GLI2: variants seen among roughly 807,000 people sequenced by gnomAD.
The protein encoded by GLI2 is GLI family zinc finger 2.
A neutral mutation model predicts 78.9 loss-of-function variants in GLI2; 22 were observed. The ratio of observed to expected loss-of-function variants is 0.28; its 90% CI spans 0.20 to 0.40. The LOEUF is 0.40. Ranked by LOEUF, GLI2 falls within the 10% of genes least tolerant of loss-of-function variation. The pLI, the probability that GLI2 is intolerant of heterozygous loss-of-function variation, is 1.00. For synonymous variants in GLI2, 974 were observed against 963.7 expected (o/e 1.01, Z -0.20); for missense variants, 2,097 against 2,213.2 (o/e 0.95, Z 1.05).
intron 8 of GLI2, among the ~76,000 whole-genome samples, chr2:120,973,269 T>C (rs1036691923): frequency 6.6e-6 from 1 of 152,112 alleles, no homozygotes; most frequent in Non-Finnish European, 1.5e-5. Context: ...GCCAATGAAA[T>C]TGATGAGGAC....
At chr2:120,967,792 G>A (rs1054601604) in intron 5 of GLI2, among the ~76,000 whole-genome samples, 5 of 152,230 alleles carry the variant, frequency 3.3e-5, no homozygotes, top group African/African-American at 1.2e-4. Context: ...AGCCTCGGGC[G>A]ACTTTAGAAC....
intron 2 of GLI2, among the ~76,000 whole-genome samples, chr2:120,891,650 C>G (rs1677686953): frequency 6.6e-6 from 1 of 152,124 alleles, no homozygotes; most frequent in Admixed American, 6.5e-5. Context: ...CTGGCTTTCC[C>G]CTGGATGCTT....
At chr2:120,941,329 G>A (rs1680438311) in intron 3 of GLI2, among the ~76,000 whole-genome samples, 1 of 152,226 alleles carries the variant, frequency 6.6e-6, no homozygotes. Context: ...ACAAATGTAT[G>A]GGAAACATGG....
intron 1 of GLI2, among the ~76,000 whole-genome samples, chr2:120,747,357 C>T (rs76747786): frequency 0.054 from 8,243 of 152,268 alleles, 363 homozygotes; most frequent in Admixed American, 0.11. Flanking sequence ...AGCAGGGCCT[C>T]AGAGACACTG....
intron 3 of GLI2, among the ~76,000 whole-genome samples, chr2:120,942,995 T>C (rs1322414521): frequency 6.6e-6 from 1 of 152,200 alleles, no homozygotes; most frequent in African/African-American, 2.4e-5. Context: ...CATTCATTCA[T>C]TCATTCAGCA....
At chr2:120,758,557 G>A (rs1213311823) in intron 1 of GLI2, among the ~76,000 whole-genome samples, 2 of 152,252 alleles carry the variant, frequency 1.3e-5, no homozygotes, top group East Asian at 3.9e-4. Flanking sequence ...TACATACCTA[G>A]GAGAGGGGAA....
At chr2:120,745,232 G>A (rs1052334373) in intron 1 of GLI2, among the ~76,000 whole-genome samples, 1 of 152,198 alleles carries the variant, frequency 6.6e-6, no homozygotes, top group Non-Finnish European at 1.5e-5. Context: ...TGTCCCAAGT[G>A]TCCCTGGGAT....
intron 2 of GLI2, among the ~76,000 whole-genome samples, chr2:120,798,923 G>C (rs1045985529): frequency 2.0e-5 from 3 of 152,186 alleles, no homozygotes; most frequent in African/African-American, 7.2e-5. Context: ...CTCTGTGTAT[G>C]TCTGGCCTGC....
At chr2:120,791,765 G>A (rs1375160890) in intron 1 of GLI2, among the ~76,000 whole-genome samples, 1 of 152,034 alleles carries the variant, frequency 6.6e-6, no homozygotes, top group Non-Finnish European at 1.5e-5. Flanking sequence ...TGTGATGCAG[G>A]TGACCATGTG....
intron 1 of GLI2, among the ~76,000 whole-genome samples, chr2:120,790,688 T>C (rs1480035256): frequency 6.6e-6 from 1 of 152,148 alleles, no homozygotes; most frequent in Non-Finnish European, 1.5e-5. Flanking sequence ...CTGGAGCTCC[T>C]TGTTGGTGCT....
At chr2:120,742,879 TTAA>T (rs1682592030) in intron 1 of GLI2, among the ~76,000 whole-genome samples, 1 of 152,220 alleles carries the variant, frequency 6.6e-6, no homozygotes, top group Admixed American at 6.5e-5. Flanking sequence ...AATGATTTAC[TTAA>T]TAATTTCAAC....
chr2:120,966,290 T>G (rs1681851906), intron 5 of GLI2, among the ~76,000 whole-genome samples: 1 of 152,170 alleles, frequency 6.6e-6, no homozygotes, highest in African/African-American at 2.4e-5. Context: ...GTGTCATTGA[T>G]GAAGACCCCA....
At chr2:120,815,216 C>T (rs909620098) in intron 2 of GLI2, among the ~76,000 whole-genome samples, 6 of 152,190 alleles carry the variant, frequency 3.9e-5, no homozygotes, top group African/African-American at 1.4e-4. Flanking sequence ...GCCACTTAAA[C>T]CCTTACCTTT....
intron 1 of GLI2, among the ~76,000 whole-genome samples, chr2:120,780,809 C>T (rs1161056891): frequency 6.6e-6 from 1 of 152,232 alleles, no homozygotes; most frequent in Non-Finnish European, 1.5e-5. Flanking sequence ...GTTCTCTCCT[C>T]TCCCAGCGAT....
At chr2:120,940,270 A>G (rs1342625650) in intron 3 of GLI2, among the ~76,000 whole-genome samples, 1 of 152,198 alleles carries the variant, frequency 6.6e-6, no homozygotes, top group Admixed American at 6.5e-5. Context: ...TTCCCATTGT[A>G]AAATAGCTCA....
At chr2:120,762,972 G>A (rs932216941) in intron 1 of GLI2, among the ~76,000 whole-genome samples, 4 of 152,222 alleles carry the variant, frequency 2.6e-5, no homozygotes, top group African/African-American at 7.2e-5. Context: ...AAGGTTAGGG[G>A]TTGGCAGGAT....
intron 1 of GLI2, among the ~76,000 whole-genome samples, chr2:120,793,683 G>T (rs574601297): frequency 3.7e-4 from 57 of 152,338 alleles, no homozygotes; most frequent in African/African-American, 1.4e-3. Flanking sequence ...CGCTGCATCT[G>T]CTCCCCACAG....
chr2:120,953,280 A>T (rs796292733), intron 4 of GLI2, among the ~76,000 whole-genome samples: 1 of 152,144 alleles, frequency 6.6e-6, no homozygotes, highest in Non-Finnish European at 1.5e-5. Context: ...GGAGAAGGCT[A>T]TGTGAAGTCA....
chr2:120,954,299 G>C (rs962443000), intron 4 of GLI2, among the ~76,000 whole-genome samples: 2 of 152,182 alleles, frequency 1.3e-5, no homozygotes, highest in Non-Finnish European at 2.9e-5. Context: ...AAGGTGGGTA[G>C]GCAGGAAGGA....
Sources: gnomAD v4.1 joint callset for allele counts (sites outside exome capture counted in the v4.1 genomes callset) on GRCh38, gnomAD v4.1.1 for gene constraint, MANE v1.5 for transcripts, NCBI Gene and HGNC (gene_info 2026-07-23, HGNC 2026-07-21) for gene names.